Variants in AGAP1 observed in about 807,000 individuals in gnomAD.
AGAP1 encodes the protein ArfGAP with GTPase domain, ankyrin repeat and PH domain 1.
Under a neutral mutation model 105.3 loss-of-function variants are expected in AGAP1, and 29 were observed. That is an observed-to-expected ratio of 0.28 (90% confidence interval 0.21 to 0.38). AGAP1 has a LOEUF of 0.38. Among genes scored for constraint, AGAP1 ranks in the 10% least tolerant of loss-of-function variants. The pLI is 1.00. For synonymous variants in AGAP1, 509 were observed against 485.9 expected (o/e 1.05, Z -0.63); for missense variants, 998 against 1,165.1 (o/e 0.86, Z 2.09).
intron 1 of AGAP1, among the ~76,000 whole-genome samples, chr2:235,672,929 C>G (rs374851874): frequency 1.3e-5 from 2 of 152,268 alleles, no homozygotes; most frequent in East Asian, 3.9e-4. Flanking sequence ...TGTGGTCAGT[C>G]CTTCTCTGGG....
intron 16 of AGAP1, among the ~76,000 whole-genome samples, chr2:236,059,406 G>A (rs909875857): frequency 5.3e-5 from 8 of 152,034 alleles, no homozygotes; most frequent in African/African-American, 1.5e-4. Context: ...GTACAGAGTC[G>A]GCAAAATCAC....
Position 235,689,051 on chromosome 2 carries a change from AGATT to A in AGAP1, c.164-20118_164-20115del, listed in dbSNP as rs10571486. On this transcript the variant is annotated intron_variant, in intron 1 of 17. Coordinates refer to ENST00000304032, the MANE Select transcript of AGAP1 (RefSeq NM_001037131.3). This position sits in a 1 kb window ranked among gnomAD's most constrained non-coding sequence, Gnocchi z 4.2. ...TAGATTATTGTCCCATAAATCTATA[AGATT>A]GATTGATTGGTTATCTGTAGGAGAC... Among the ~76,000 whole-genome samples the A allele has an allele frequency of 0.27, 41,521 of 151,930 alleles. 6,557 individuals carry two copies. Among genetic ancestry groups the A allele is most frequent in the African/African-American group, 0.41 (17,072 of 41,370 alleles).
At chr2:236,054,818 C>T (rs1442251247) in intron 16 of AGAP1, among the ~76,000 whole-genome samples, 2 of 152,186 alleles carry the variant, frequency 1.3e-5, no homozygotes, top group Admixed American at 6.5e-5. Flanking sequence ...TAATTTGCCA[C>T]GATCACCGAG....
In AGAP1 at chr2:235,689,642, C is replaced by T. The variant is rs535831700; in HGVS notation, c.164-19537C>T. Among the ~76,000 whole-genome samples, 1 of 152,348 alleles carries T rather than the reference C, an allele frequency of 6.6e-6. No homozygotes were observed. The highest frequency in any genetic ancestry group is 1.9e-4 in the East Asian group (1 of 5,182). On this transcript the variant is annotated intron_variant, in intron 1 of 17. Coordinates refer to ENST00000304032, the MANE Select transcript of AGAP1 (RefSeq NM_001037131.3). The surrounding 1 kb of genome is among the most constrained non-coding windows in gnomAD (Gnocchi z 4.2). ...CAAATTGGCAGGTCACCATAGGGAC[C>T]TCCCCTAACCTCAAATCTGTGTAAT... is the stretch of plus-strand genomic sequence containing the variant.
rs2058814887 is a variant in AGAP1, at chr2:236,082,561, T to C, written c.2114+33280T>C. Among the ~76,000 whole-genome samples the C allele has an allele frequency of 6.6e-6, 1 of 152,160 alleles. No individual in the cohort carries two copies. The highest frequency in any genetic ancestry group is 2.1e-4 in the South Asian group (1 of 4,822). On this transcript the variant is annotated intron_variant, in intron 16 of 17. Transcript: ENST00000304032. The surrounding 1 kb of genome is among the most constrained non-coding windows in gnomAD (Gnocchi z 4.2). ...ACAGCTCACCTGCAGTGGTGATTGG[T>C]TTACAAAATTCACCTAGTTAAAGAA... is the stretch of plus-strand genomic sequence containing the variant.
chr2:235,807,649 AG>A (rs1350593513), intron 9 of AGAP1, among the ~76,000 whole-genome samples: 3 of 152,178 alleles, frequency 2.0e-5, no homozygotes, highest in Non-Finnish European at 4.4e-5. Flanking sequence ...GCCGGGCAAC[AG>A]GGGTAACTCA....
intron 1 of AGAP1, among the ~76,000 whole-genome samples, chr2:235,589,867 A>G (rs1945271245): frequency 6.6e-6 from 1 of 151,594 alleles, no homozygotes; most frequent in Non-Finnish European, 1.5e-5. Context: ...GGGTTTGGGA[A>G]TGAGTAGGAA....
intron 8 of AGAP1, among the ~76,000 whole-genome samples, chr2:235,800,602 C>T (rs570841263): frequency 2.2e-4 from 34 of 152,322 alleles, no homozygotes; most frequent in African/African-American, 7.7e-4. Flanking sequence ...TTGAGAAGAA[C>T]GCTTTTCCTC....
At chr2:235,562,904 C>CA (rs1037036727) in intron 1 of AGAP1, among the ~76,000 whole-genome samples, 5 of 152,022 alleles carry the variant, frequency 3.3e-5, no homozygotes, top group African/African-American at 4.8e-5. Flanking sequence ...TTAAAAAATA[C>CA]AAAAAAATTA....
chr2:235,767,331 T>C (rs1198709396), intron 6 of AGAP1, among the ~76,000 whole-genome samples: 1 of 152,226 alleles, frequency 6.6e-6, no homozygotes, highest in Non-Finnish European at 1.5e-5. Context: ...CACGTTAGCG[T>C]CTGCAGCCTT....
At chr2:235,756,772 G>A (rs1184179953) in intron 6 of AGAP1, among the ~76,000 whole-genome samples, 1 of 152,286 alleles carries the variant, frequency 6.6e-6, no homozygotes, top group South Asian at 2.1e-4. Context: ...TGTGAACTGT[G>A]CATGCGTGAG....
At position 235,552,301 on chromosome 2, in the gene AGAP1, G is replaced by A. The variant is rs776910846; in HGVS notation, c.163+57452G>A. Reference sequence around the variant, plus strand: ...GACATTGGTGCCAAGAAATCCTATCGGGGACATTTAATAACTGGAAGTAGC... The same window carrying A: ...GACATTGGTGCCAAGAAATCCTATCAGGGACATTTAATAACTGGAAGTAGC... On this transcript the variant is annotated intron_variant, in intron 1 of 17. Transcript: ENST00000304032. The surrounding 1 kb of genome is among the most constrained non-coding windows in gnomAD (Gnocchi z 5.9). 6.6e-6 allele frequency among the ~76,000 whole-genome samples: 1 copy of A among 152,180 alleles called. No individual in the cohort carries two copies. The highest frequency in any genetic ancestry group is 1.5e-5 in the Non-Finnish European group (1 of 68,022).
chr2:235,598,370 T>C (rs1469982844), intron 1 of AGAP1, among the ~76,000 whole-genome samples: 2 of 152,174 alleles, frequency 1.3e-5, no homozygotes, highest in African/African-American at 4.8e-5. Flanking sequence ...TTTATTGCAG[T>C]GTTTAATATT....
Position 235,893,623 on chromosome 2 carries a change from GC to G in AGAP1, c.1155+10178del, listed in dbSNP as rs2050661917. Among the ~76,000 whole-genome samples the G allele has an allele frequency of 6.6e-6, 1 of 152,090 alleles. No homozygotes were observed. Among genetic ancestry groups the G allele is most frequent in the African/African-American group, 2.4e-5 (1 of 41,412 alleles). On this transcript the variant is annotated intron_variant, in intron 10 of 17. Transcript: ENST00000304032. This position sits in a 1 kb window ranked among gnomAD's most constrained non-coding sequence, Gnocchi z 4.7. ...CTTCATGGCCCTCCCTGATTCCCAG[GC>G]CCCATCTAGTGTACATCATTGCCTC... is the stretch of plus-strand genomic sequence containing the variant.
chr2:235,505,238 GA>G (rs1941745259), intron 1 of AGAP1, among the ~76,000 whole-genome samples: 1 of 152,150 alleles, frequency 6.6e-6, no homozygotes, highest in Admixed American at 6.5e-5. Flanking sequence ...CACAAAAGAA[GA>G]AAAAAAGCTA....
intron 10 of AGAP1, among the ~76,000 whole-genome samples, chr2:235,895,972 A>G (rs530549685): frequency 6.6e-6 from 1 of 152,224 alleles, no homozygotes; most frequent in Non-Finnish European, 1.5e-5. Flanking sequence ...TGTAAAATAC[A>G]TACAACATTT....
rs1468292990 is a variant in AGAP1 at position 236,051,035 on chromosome 2, G to A, written c.2114+1754G>A. 1.3e-5 allele frequency among the ~76,000 whole-genome samples: 2 copies of A among 152,138 alleles called. No homozygotes were observed. The highest frequency in any genetic ancestry group is 6.6e-5 in the Admixed American group (1 of 15,258). On this transcript the variant is annotated intron_variant, in intron 16 of 17. Coordinates refer to ENST00000304032, the MANE Select transcript of AGAP1 (RefSeq NM_001037131.3). The surrounding 1 kb of genome is among the most constrained non-coding windows in gnomAD (Gnocchi z 5.9). ...TTATATTTTAGAGACCTATTGCAGAGACTTGCTTACTCCCAAGTGCAGTGG... is the reference window on the plus strand; with the variant it reads ...TTATATTTTAGAGACCTATTGCAGAAACTTGCTTACTCCCAAGTGCAGTGG...
chr2:235,791,848 G>T (rs1245348420), intron 6 of AGAP1, among the ~76,000 whole-genome samples: 1 of 152,144 alleles, frequency 6.6e-6, no homozygotes, highest in Non-Finnish European at 1.5e-5. Context: ...CACCCAGCCG[G>T]GAAGAGCCTT....
chr2:235,628,534 A>AAG (rs1946716100), intron 1 of AGAP1, among the ~76,000 whole-genome samples: 1 of 152,102 alleles, frequency 6.6e-6, no homozygotes, highest in East Asian at 1.9e-4. Flanking sequence ...CCGGTTCTGG[A>AAG]AGAGCCCAGG....
Sources: allele counts gnomAD v4.1 joint callset (sites outside exome capture counted in the v4.1 genomes callset), GRCh38; gene constraint gnomAD v4.1.1; non-coding constraint Gnocchi (gnomAD v3.1); transcripts MANE v1.5; gene names NCBI Gene and HGNC (gene_info 2026-07-23, HGNC 2026-07-21).